TCF7L2: variants seen among roughly 807,000 people sequenced by gnomAD.
The protein encoded by TCF7L2 is transcription factor 7-like 2.
TCF7L2 carries 23 observed loss-of-function variants against 77.9 expected under a neutral mutation model. That is an observed-to-expected ratio of 0.30 (90% confidence interval 0.21 to 0.42). The LOEUF (loss-of-function observed/expected upper bound fraction) is 0.42, where lower values mean the gene tolerates loss of function less well. Among genes scored for constraint, TCF7L2 ranks in the 10% least tolerant of loss-of-function variants. TCF7L2 has a pLI of 1.00. For missense variants in TCF7L2, 654 were observed against 793.1 expected (o/e 0.82, Z 2.11); for synonymous variants, 413 against 340.2 (o/e 1.21, Z -2.36).
At chr10:113,039,446 A>G (rs1413662966) in intron 4 of TCF7L2, among the ~76,000 whole-genome samples, 1 of 152,236 alleles carries the variant, frequency 6.6e-6, no homozygotes, top group Non-Finnish European at 1.5e-5. Flanking sequence ...TTTACCAAGA[A>G]GTAAGTTTTG....
chr10:113,010,857 T>C (rs980298136), intron 4 of TCF7L2, among the ~76,000 whole-genome samples: 10 of 152,052 alleles, frequency 6.6e-5, no homozygotes, highest in Admixed American at 4.6e-4. Flanking sequence ...CGACTAAAAA[T>C]ACAAAAATAT....
At chr10:113,070,465 G>T (rs1485362614) in intron 5 of TCF7L2, among the ~76,000 whole-genome samples, 2 of 151,944 alleles carry the variant, frequency 1.3e-5, no homozygotes, top group Non-Finnish European at 2.9e-5. Flanking sequence ...ACAGATCCTA[G>T]CTGCTTGCTA....
intron 4 of TCF7L2, among the ~76,000 whole-genome samples, 195 bp downstream of exon 4, chr10:112,964,819 G>GTGGTGGT (rs1357611116): frequency 7.2e-6 from 1 of 138,586 alleles, no homozygotes; most frequent in Non-Finnish European, 1.6e-5. Flanking sequence ...TGGTGGGGGG[G>GTGGTGGT]GGTTGAATCA....
chr10:112,975,476 T>G lies in TCF7L2; in HGVS notation c.450+10852T>G, dbSNP rs145520861. On this transcript the variant is annotated intron_variant, in intron 4 of 13. Transcript: ENST00000627217. ...CATTGTAGGGTGTTTATTTTTAAAT[T>G]TTATTTATTTTTATTTTTATTTGAG... Among the ~76,000 whole-genome samples, 917 of 152,206 alleles carry G rather than the reference T, an allele frequency of 6.0e-3. 5 individuals are homozygous for G. Among genetic ancestry groups the G allele is most frequent in the Middle Eastern group, 0.037 (11 of 294 alleles).
At chr10:112,992,602 A>C (rs1313823043) in intron 4 of TCF7L2, among the ~76,000 whole-genome samples, 3 of 152,100 alleles carry the variant, frequency 2.0e-5, no homozygotes, top group Non-Finnish European at 1.5e-5. Context: ...AGCTCCTGGG[A>C]GGGAAGAGAG....
rs189133535 is a variant in TCF7L2 at position 113,018,393 on chromosome 10, G to A, written c.451-21632G>A. 5.9e-4 allele frequency among the ~76,000 whole-genome samples: 88 copies of A among 149,004 alleles called. 1 individual carries two copies. Among genetic ancestry groups the A allele is most frequent in the African/African-American group, 1.7e-3 (67 of 40,280 alleles). ...CTGTGACATGTTGCTTTCATGAAAG[G>A]TTCCCCTCTAGCCAAAGACTGAGTG... On this transcript the variant is annotated intron_variant, in intron 4 of 13. Transcript: ENST00000627217.
chr10:113,036,119 CATCAT>C (rs2051171175), intron 4 of TCF7L2, among the ~76,000 whole-genome samples: 4 of 4,356 alleles, frequency 9.2e-4, no homozygotes, highest in African/African-American at 2.6e-3. Context: ...TCATCACCAT[CATCAT>C]CATCATCATC....
At chr10:113,164,096 G>A (rs2073650511) in intron 13 of TCF7L2, among the ~76,000 whole-genome samples, 1 of 152,338 alleles carries the variant, frequency 6.6e-6, no homozygotes, top group South Asian at 2.1e-4. Flanking sequence ...AGGGTCCTTA[G>A]ATGAGCACAC....
chr10:113,045,347 G>A (rs548832327), intron 5 of TCF7L2, among the ~76,000 whole-genome samples: 3 of 152,156 alleles, frequency 2.0e-5, no homozygotes, highest in African/African-American at 4.8e-5. Flanking sequence ...TTGCCCAGTC[G>A]TGGGAGTCAG....
At chr10:113,155,668 C>G (rs1186782164) in intron 11 of TCF7L2, among the ~76,000 whole-genome samples, 1 of 152,184 alleles carries the variant, frequency 6.6e-6, no homozygotes, top group African/African-American at 2.4e-5. Flanking sequence ...GGCTGAGAAG[C>G]CCTTGGGTAT....
chr10:113,091,269 G>A (rs1168602631), intron 5 of TCF7L2, among the ~76,000 whole-genome samples: 3 of 152,090 alleles, frequency 2.0e-5, no homozygotes, highest in South Asian at 2.1e-4. Flanking sequence ...CCTTAAAAGC[G>A]TTTCGCAAAA....
intron 5 of TCF7L2, among the ~76,000 whole-genome samples, chr10:113,065,359 T>G (rs1314552019): frequency 6.6e-6 from 1 of 152,254 alleles, no homozygotes; most frequent in Non-Finnish European, 1.5e-5. Context: ...AGATCTGCAG[T>G]TGCAGATGGA....
chr10:113,076,605 G>T (rs2058727643), intron 5 of TCF7L2, among the ~76,000 whole-genome samples: 1 of 152,182 alleles, frequency 6.6e-6, no homozygotes, highest in Non-Finnish European at 1.5e-5. Flanking sequence ...TCTATTGACA[G>T]TACATCAGAA....
At chr10:113,018,711 G>C (rs1189978003) in intron 4 of TCF7L2, among the ~76,000 whole-genome samples, 1 of 151,988 alleles carries the variant, frequency 6.6e-6, no homozygotes, top group African/African-American at 2.4e-5. Context: ...CGAGTGATCC[G>C]CCTGTCTTGA....
intron 4 of TCF7L2, among the ~76,000 whole-genome samples, chr10:112,989,774 A>C (rs2042200524): frequency 6.6e-6 from 1 of 152,238 alleles, no homozygotes; most frequent in Non-Finnish European, 1.5e-5. Context: ...AAGGTGGGGT[A>C]GATGAAATGT....
chr10:113,118,520 G>GTGTGTGTGTGT (rs1555084612), intron 5 of TCF7L2, among the ~76,000 whole-genome samples: 18,119 of 141,224 alleles, frequency 0.13, 1,657 homozygotes, highest in East Asian at 0.3. Context: ...TCATCTGGGG[G>GTGTGTGTGTGT]GTGTGTGTGT....
intron 4 of TCF7L2, among the ~76,000 whole-genome samples, chr10:113,005,535 T>A (rs2133449292): frequency 6.6e-6 from 1 of 152,274 alleles, no homozygotes; most frequent in East Asian, 1.9e-4. Flanking sequence ...CGACAACCCC[T>A]TAGCAGAGCC....
At chr10:113,057,687 A>G (rs895465105) in intron 5 of TCF7L2, among the ~76,000 whole-genome samples, 3 of 152,202 alleles carry the variant, frequency 2.0e-5, no homozygotes, top group East Asian at 3.8e-4. Flanking sequence ...GTTAATCCTT[A>G]TGATCTTTGG....
At position 113,165,952 on chromosome 10, in the gene TCF7L2, G is replaced by T; in HGVS notation, c.1789G>T (p.Val597Phe). 6.5e-7 allele frequency: 1 copy of T among 1,532,594 alleles called. No homozygotes were observed. Among genetic ancestry groups the T allele is most frequent in the South Asian group, 1.3e-5 (1 of 79,928 alleles). 94.9% of individuals were successfully genotyped at this position (1,532,594 alleles called of 1,614,324 possible). ...GACCCAGCCCCAGCCGCTGTCGCTC[G>T]TCACCAAGTCTTTAGAATAGCTTTA... The change falls in exon 14 of 14, where the codon GTC (valine) becomes TTC (phenylalanine). Residue 597 changes from valine (V) to phenylalanine (F), a missense_variant. Around this residue, in one of 6 missense-constraint regions of TCF7L2, gnomAD observed 272 missense variants for 215.4 expected, o/e 1.26. Transcript: ENST00000627217.
Sources: gnomAD v4.1 joint callset for allele counts (sites outside exome capture counted in the v4.1 genomes callset) on GRCh38, gnomAD v4.1.1 for gene constraint, gnomAD v4.1.1 regional missense constraint, MANE v1.5 for transcripts, NCBI Gene and HGNC (gene_info 2026-07-23, HGNC 2026-07-21) for gene names.